The following COPG1 variants were observed in gnomAD, a reference collection of about 807,000 sequenced individuals.
The protein encoded by COPG1 is coat protein complex I subunit gamma 1.
In COPG1, 29 loss-of-function variants were observed where a neutral mutation model predicts 102.8. The observed-to-expected ratio is 0.28, with a 90% CI of 0.21 to 0.38. COPG1 has a LOEUF of 0.38. Among genes scored for constraint, COPG1 ranks in the 10% least tolerant of loss-of-function variants. The probability of loss-of-function intolerance (pLI) is 1.00; values close to 1 mark genes in which losing one functional copy is unlikely to be tolerated. For missense variants in COPG1, 875 were observed against 1,132.7 expected, an observed-to-expected ratio of 0.77 and a Z score of 3.27; for synonymous variants, 406 against 421.6, an observed-to-expected ratio of 0.96 and a Z score of 0.45.
In COPG1 at chr3:129,252,620, CAG is replaced by C. The variant is rs779697701; in HGVS notation, c.172-2_172-1del. Reference sequence around the variant, plus strand: ...GCTGAGACTTCTTTCTTGATTAACACAGGGGGAGCACCTGGGGACCACGGAAG... The same window carrying C: ...GCTGAGACTTCTTTCTTGATTAACACGGGGAGCACCTGGGGACCACGGAAG... On this transcript the variant is annotated splice_acceptor_variant, in intron 3 of 23. Transcript: ENST00000314797. LOFTEE classifies it high-confidence loss of function. 3.1e-6 allele frequency: 5 copies of C among 1,613,360 alleles called. No homozygotes were observed. The highest frequency in any genetic ancestry group is 4.2e-6 in the Non-Finnish European group (5 of 1,179,290).
Position 129,272,226 on chromosome 3 carries a change from C to T in COPG1, c.1987-18C>T. 1 of 1,611,466 alleles carries T rather than the reference C, an allele frequency of 6.2e-7. No homozygotes were observed. The highest frequency in any genetic ancestry group is 8.5e-7 in the Non-Finnish European group (1 of 1,177,882). On this transcript the variant is annotated intron_variant, in intron 19 of 23. Transcript: ENST00000314797. The stretch of plus-strand genomic sequence containing the variant: ...GGACCTAGTGCAATGTTTAAGCTCC[C>T]CTCTCTTTCCTGTTCAGTTTGACTG...
Position 129,260,961 on chromosome 3 carries a change from C to T in COPG1, c.1128+154C>T, listed in dbSNP as rs375675793. Among the ~76,000 whole-genome samples the T allele has an allele frequency of 2.0e-4, 30 of 152,356 alleles. 5 individuals are homozygous for T. The highest frequency in any genetic ancestry group is 9.1e-4 in the Admixed American group (14 of 15,302). ...AGCAGTTTGCTCTGCAGAGACTTGG[C>T]CTTCCGAGAAATGTGCGTAGTCCTG... is the stretch of plus-strand genomic sequence containing the variant. On this transcript the variant is annotated intron_variant, in intron 12 of 23. Coordinates refer to ENST00000314797, the MANE Select transcript of COPG1 (RefSeq NM_016128.4).
At chr3:129,261,343 A>G (rs1939921840) in intron 12 of COPG1, among the ~76,000 whole-genome samples, 1 of 152,162 alleles carries the variant, frequency 6.6e-6, no homozygotes, top group Non-Finnish European at 1.5e-5. Flanking sequence ...AATCAGTGCA[A>G]AGAACCAGGA....
intron 3 of COPG1, 55 bp from the exon 4 acceptor site, chr3:129,252,568 G>A: frequency 1.4e-6 from 2 of 1,451,384 alleles, no homozygotes; most frequent in East Asian, 2.3e-5. Flanking sequence ...GATCCTGAAA[G>A]AACTGCTGTC....
At chr3:129,251,161 G>T (rs1429642006) in intron 2 of COPG1, among the ~76,000 whole-genome samples, 1 of 150,850 alleles carries the variant, frequency 6.6e-6, no homozygotes, top group Non-Finnish European at 1.5e-5. Flanking sequence ...CTGACCTCGT[G>T]ATCCACCCGC....
chr3:129,277,220 G>A, intron 23 of COPG1, 74 bp from the exon 24 acceptor site: 1 of 1,531,794 alleles, frequency 6.5e-7, no homozygotes, highest in East Asian at 2.3e-5. Flanking sequence ...ATGGGTTGCT[G>A]CAAATGCCAT....
intron 15 of COPG1, 37 bp from the exon 16 acceptor site, chr3:129,267,900 G>T (rs1277759025): frequency 1.3e-6 from 2 of 1,538,778 alleles, no homozygotes; most frequent in Non-Finnish European, 1.8e-6. Flanking sequence ...CATCCCTGCT[G>T]GGTCCCAGTC....
At chr3:129,251,622 T>G (rs1209967216) in intron 2 of COPG1, among the ~76,000 whole-genome samples, 2 of 149,970 alleles carry the variant, frequency 1.3e-5, no homozygotes, top group East Asian at 2.0e-4. Context: ...TCCTGACCTC[T>G]TGATCCTCCC....
rs1053072754 is a variant in COPG1 at position 129,275,137 on chromosome 3, G to A, written c.2396-57G>A. ...AAGCCCTTCAGAACATGGGGGAGTGGTGGTGGCACAAAGGGCAGATAAGAT... is the reference window on the plus strand; with the variant it reads ...AAGCCCTTCAGAACATGGGGGAGTGATGGTGGCACAAAGGGCAGATAAGAT... On this transcript the variant is annotated intron_variant, in intron 22 of 23. Coordinates refer to ENST00000314797, the MANE Select transcript of COPG1 (RefSeq NM_016128.4). The surrounding 1 kb of genome is among the most constrained non-coding windows in gnomAD (Gnocchi z 5.0). 5.9e-6 allele frequency: 9 copies of A among 1,537,792 alleles called. No individual in the cohort carries two copies. The highest frequency in any genetic ancestry group is 8.1e-6 in the Non-Finnish European group (9 of 1,111,738).
chr3:129,273,421 G>A (rs1341554276), intron 21 of COPG1, among the ~76,000 whole-genome samples: 1 of 152,186 alleles, frequency 6.6e-6, no homozygotes, highest in Non-Finnish European at 1.5e-5. Context: ...ATGAACAACA[G>A]GAAAACATTA....
intron 23 of COPG1, among the ~76,000 whole-genome samples, chr3:129,276,524 C>A (rs1030055443): frequency 6.6e-6 from 1 of 152,046 alleles, no homozygotes; most frequent in Non-Finnish European, 1.5e-5. Context: ...TGTTTATAAA[C>A]AGGGTTGAAA....
intron 10 of COPG1, 197 bp from the exon 11 acceptor site, chr3:129,260,136 G>C (rs1939894820): frequency 3.3e-6 from 2 of 603,174 alleles, no homozygotes; most frequent in Non-Finnish European, 5.9e-6. Context: ...TGGAACCCCT[G>C]GGTGCTCACA....
At position 129,255,097 on chromosome 3, in the gene COPG1, G is replaced by T; in HGVS notation, c.492+20G>T. ...TCCTTGGTGTGTAGTTGCTGCTGGAGCCCTGCTGGGGGTGGGGTAGAAAAT... is the reference window on the plus strand; with the variant it reads ...TCCTTGGTGTGTAGTTGCTGCTGGATCCCTGCTGGGGGTGGGGTAGAAAAT... On this transcript the variant is annotated intron_variant, in intron 7 of 23. Transcript: ENST00000314797. 3 of 1,551,582 alleles carry T rather than the reference G, an allele frequency of 1.9e-6. No homozygotes were observed. Among genetic ancestry groups the T allele is most frequent in the Non-Finnish European group, 2.7e-6 (3 of 1,123,856 alleles).
At chr3:129,267,878 G>A (rs1037168992) in intron 15 of COPG1, 59 bp from the exon 16 acceptor site, 9 of 1,357,630 alleles carry the variant, frequency 6.6e-6, no homozygotes, top group Non-Finnish European at 8.4e-6. Flanking sequence ...AGCCATGCAG[G>A]ATCCCTCCTG....
chr3:129,263,920 C>A lies in COPG1; in HGVS notation c.1145C>A (p.Ala382Asp). Residue 382 changes from alanine to aspartate, a missense_variant, in exon 13 of 24, where the codon GCC (alanine) becomes GAC (aspartate). Physicochemically the swap from Ala to Asp is moderately radical, Grantham distance 126. Coordinates refer to ENST00000314797, the MANE Select transcript of COPG1 (RefSeq NM_016128.4). Reference protein sequence around the residue: ...SDEFKVVVVQAISALCQKYPR... With the variant: ...SDEFKVVVVQDISALCQKYPR... Reference sequence around the variant, plus strand: ...TTCATTTAGGTGGTGGTTGTCCAGGCCATCAGTGCCCTGTGTCAGAAATAT... The same window carrying A: ...TTCATTTAGGTGGTGGTTGTCCAGGACATCAGTGCCCTGTGTCAGAAATAT... 1 of 1,614,090 alleles carries A rather than the reference C, an allele frequency of 6.2e-7. No individual in the cohort carries two copies. Among genetic ancestry groups the A allele is most frequent in the Non-Finnish European group, 8.5e-7 (1 of 1,179,930 alleles).
intron 18 of COPG1, among the ~76,000 whole-genome samples, chr3:129,270,689 A>G (rs548509981): frequency 6.6e-6 from 1 of 152,300 alleles, no homozygotes; most frequent in East Asian, 1.9e-4. Context: ...TTGTGGAGGA[A>G]AAAAGCAAAA....
At chr3:129,267,221 G>A (rs961412701) in intron 15 of COPG1, 122 bp downstream of exon 15, 16 of 660,518 alleles carry the variant, frequency 2.4e-5, no homozygotes, top group Non-Finnish European at 3.3e-5. Context: ...ACTGATTGTA[G>A]AAAAAAAAGA....
chr3:129,272,813 G>A lies in COPG1; in HGVS notation c.2165G>A (p.Cys722Tyr), dbSNP rs1344056138. 2 of 1,610,606 alleles carry A rather than the reference G, an allele frequency of 1.2e-6. No individual in the cohort carries two copies. Among genetic ancestry groups the A allele is most frequent in the Non-Finnish European group, 1.7e-6 (2 of 1,177,268 alleles). Residue 722 changes from cysteine (C) to tyrosine (Y), a missense_variant, in exon 21 of 24, where the codon TGC becomes TAC. Transcript: ENST00000314797. ...CAGCCTCTCTTCCCCACAGTGGCCT[G>A]CACATTCAGCTGCATGATGAAGTTC... is the stretch of plus-strand genomic sequence containing the variant. ...LPKEDPTAVACTFSCMMKFTV... is the reference protein window; with the variant it reads ...LPKEDPTAVAYTFSCMMKFTV...
intron 5 of COPG1, chr3:129,254,290 T>A (rs1211879193): frequency 6.1e-6 from 1 of 164,838 alleles, no homozygotes; most frequent in African/African-American, 2.8e-5. Context: ...AGCGAGACTC[T>A]GTCTCAAAAA....
Sources: gnomAD v4.1 joint callset for allele counts (sites outside exome capture counted in the v4.1 genomes callset) on GRCh38, gnomAD v4.1.1 for gene constraint, Gnocchi (gnomAD v3.1) non-coding constraint, MANE v1.5 for transcripts, NCBI Gene and HGNC (gene_info 2026-07-23, HGNC 2026-07-21) for gene names.